SORCS1: variants seen among roughly 807,000 people sequenced by gnomAD.
SORCS1 encodes the protein sortilin related VPS10 domain containing receptor 1.
Under a neutral mutation model 146.1 loss-of-function variants are expected in SORCS1, and 60 were observed. The ratio of observed to expected loss-of-function variants is 0.41; its 90% CI spans 0.33 to 0.51. The LOEUF is 0.51. Ranked by LOEUF, SORCS1 falls within the 20% of genes least tolerant of loss-of-function variation. The pLI is 0.21. For missense variants in SORCS1, 1,352 were observed against 1,487.6 expected (o/e 0.91, Z 1.50); for synonymous variants, 637 against 584.0 (o/e 1.09, Z -1.31).
At chr10:107,084,420 G>A (rs895075800) in intron 1 of SORCS1, among the ~76,000 whole-genome samples, 1 of 151,848 alleles carries the variant, frequency 6.6e-6, no homozygotes, top group Admixed American at 6.6e-5. Context: ...GGTTTTAAAT[G>A]GACAAGAACT....
intron 1 of SORCS1, among the ~76,000 whole-genome samples, chr10:107,074,374 C>T (rs1457171414): frequency 6.6e-6 from 1 of 152,158 alleles, no homozygotes; most frequent in Non-Finnish European, 1.5e-5. Context: ...GACTTGATAG[C>T]TCATTTCTGA....
chr10:106,921,452 A>G lies in SORCS1; in HGVS notation c.626+35061T>C, dbSNP rs1222139721. On this transcript the variant is annotated intron_variant, in intron 2 of 25. Transcript: ENST00000263054. ...TTCATCTAGATATATCAGACTTACAATGTTCTCTCACTTTCTCCTCTCTTA... is the reference window on the plus strand; with the variant it reads ...TTCATCTAGATATATCAGACTTACAGTGTTCTCTCACTTTCTCCTCTCTTA... 2.0e-5 allele frequency among the ~76,000 whole-genome samples: 3 copies of G among 152,118 alleles called. No homozygotes were observed. In the East Asian group the frequency reaches 5.8e-4, roughly 29 times the overall value.
intron 6 of SORCS1, among the ~76,000 whole-genome samples, chr10:106,721,349 T>A (rs1221139672): frequency 6.6e-6 from 1 of 152,128 alleles, no homozygotes; most frequent in African/African-American, 2.4e-5. Flanking sequence ...TGTTGGAACT[T>A]TGGCCAAAGT....
At chr10:106,718,424 C>A (rs186464017) in intron 6 of SORCS1, among the ~76,000 whole-genome samples, 1 of 152,140 alleles carries the variant, frequency 6.6e-6, no homozygotes, top group Non-Finnish European at 1.5e-5. Flanking sequence ...ATGGTGTGCC[C>A]GGAGTTTATT....
chr10:107,128,440 A>C (rs1966830583), intron 1 of SORCS1, among the ~76,000 whole-genome samples: 1 of 152,176 alleles, frequency 6.6e-6, no homozygotes, highest in Non-Finnish European at 1.5e-5. Context: ...TAGATTTTGA[A>C]ATCATCAGTC....
chr10:106,777,360 T>C (rs972810497), intron 3 of SORCS1, among the ~76,000 whole-genome samples: 1 of 152,218 alleles, frequency 6.6e-6, no homozygotes, highest in South Asian at 2.1e-4. Flanking sequence ...CGAACAGAGA[T>C]AGCTGTCTGT....
chr10:106,821,739 G>A (rs1948037917), intron 3 of SORCS1, among the ~76,000 whole-genome samples: 1 of 152,046 alleles, frequency 6.6e-6, no homozygotes, highest in Non-Finnish European at 1.5e-5. Flanking sequence ...GGCTAAGACT[G>A]TGAAACCATG....
chr10:106,798,506 C>G (rs1031348085), intron 3 of SORCS1, among the ~76,000 whole-genome samples: 2 of 144,862 alleles, frequency 1.4e-5, no homozygotes, highest in Admixed American at 7.2e-5. Flanking sequence ...TCTCATTGTT[C>G]AATTCCCACC....
Position 106,776,549 on chromosome 10 carries a change from G to A in SORCS1, c.870C>T (p.Tyr290=). The change falls in exon 4 of 26, where the codon TAC becomes TAT. Residue 290 remains tyrosine (Y), a synonymous_variant. Transcript: ENST00000263054. ...GTATGCTCACCTTTTGGTCTTGACT[G>A]TATGCCAGAATCCAGTCTTCTTGTT... ...HPKQEDWILA[Y]SQDQKLYSSA... The A allele has an allele frequency of 6.2e-7, 1 of 1,613,998 alleles. No individual in the cohort carries two copies. Among genetic ancestry groups the A allele is most frequent in the Non-Finnish European group, 8.5e-7 (1 of 1,179,888 alleles).
Position 106,731,943 on chromosome 10 carries a change from C to T in SORCS1, c.960-1829G>A, listed in dbSNP as rs549678441. Among the ~76,000 whole-genome samples the T allele has an allele frequency of 3.4e-4, 51 of 152,218 alleles. 1 individual carries two copies. Among genetic ancestry groups the T allele is most frequent in the Non-Finnish European group, 6.8e-4 (46 of 68,004 alleles). ...AGGAAGGAGGTAAAGAGAAAGAAAG[C>T]GAAGGGGCTATAAAGGTCTGCGGGT... On this transcript the variant is annotated intron_variant, in intron 5 of 25. Coordinates refer to ENST00000263054, the MANE Select transcript of SORCS1 (RefSeq NM_052918.5).
At chr10:106,734,259 C>A (rs1209002173) in intron 5 of SORCS1, among the ~76,000 whole-genome samples, 1 of 152,104 alleles carries the variant, frequency 6.6e-6, no homozygotes, top group Admixed American at 6.6e-5. Context: ...CTGTGTACAT[C>A]CTGGTGTCTG....
At chr10:106,761,132 A>T (rs530204509) in intron 5 of SORCS1, among the ~76,000 whole-genome samples, 1 of 152,252 alleles carries the variant, frequency 6.6e-6, no homozygotes, top group South Asian at 2.1e-4. Context: ...AATAACAAGG[A>T]GAAGGCCTAC....
intron 22 of SORCS1, among the ~76,000 whole-genome samples, chr10:106,610,766 C>A (rs1165766038): frequency 5.3e-5 from 8 of 152,208 alleles, no homozygotes; most frequent in Non-Finnish European, 1.2e-4. Flanking sequence ...GGCTATCCCA[C>A]TCCTCTGCTC....
Position 106,836,360 on chromosome 10 carries a change from G to A in SORCS1, c.627-6687C>T, listed in dbSNP as rs186043975. Among the ~76,000 whole-genome samples, 609 of 151,720 alleles carry A rather than the reference G, an allele frequency of 4.0e-3. 3 individuals carry two copies. The highest frequency in any genetic ancestry group is 4.8e-3 in the Non-Finnish European group (328 of 67,936). ...ATGGTGGTGGGCGCCTGTAGTCCCA[G>A]CTACTCGGGAGGCTGAGGCAGGAGA... On this transcript the variant is annotated intron_variant, in intron 2 of 25. Coordinates refer to ENST00000263054, the MANE Select transcript of SORCS1 (RefSeq NM_052918.5).
chr10:107,179,704 C>T, the SORCS1 span, among the ~76,000 whole-genome samples: 1 of 152,024 alleles, frequency 6.6e-6, no homozygotes, highest in Non-Finnish European at 1.5e-5. Context: ...TTTTTGAAAT[C>T]TGTGTATCTT....
intron 15 of SORCS1, among the ~76,000 whole-genome samples, chr10:106,672,254 G>A (rs779747769): frequency 5.3e-5 from 8 of 152,064 alleles, no homozygotes; most frequent in African/African-American, 1.2e-4. Flanking sequence ...AGAGATCTGC[G>A]GAACGACTTG....
chr10:106,597,363 G>C lies in SORCS1; in HGVS notation c.3253C>G (p.His1085Asp). ...PGVRVLVHAA[H>D]LTAAPLVDLT... is the part of the protein sequence containing the mutation. ...CATGGACACTGACCCGCTGTTAAGT[G>C]AGCAGCATGGACAAGGACTCGGACT... The change falls in exon 24 of 26, where the codon CAC (histidine) becomes GAC (aspartate). Residue 1085 changes from histidine (H) to aspartate (D), a missense_variant. By Grantham distance (81) the His-to-Asp change is moderately conservative. Around this residue, in one of 3 missense-constraint regions of SORCS1, gnomAD observed 214 missense variants for 204.8 expected, o/e 1.05. Coordinates refer to ENST00000263054, the MANE Select transcript of SORCS1 (RefSeq NM_052918.5). 6.2e-7 allele frequency: 1 copy of C among 1,613,872 alleles called. No individual in the cohort carries two copies. The highest frequency in any genetic ancestry group is 1.1e-5 in the South Asian group (1 of 91,036).
intron 2 of SORCS1, among the ~76,000 whole-genome samples, chr10:106,901,806 G>A (rs1951715876): frequency 6.6e-6 from 1 of 152,150 alleles, no homozygotes; most frequent in Non-Finnish European, 1.5e-5. Flanking sequence ...CACTTTGGGA[G>A]GCCGAGGTGG....
chr10:106,820,689 T>C, intron 3 of SORCS1, among the ~76,000 whole-genome samples: 1 of 152,170 alleles, frequency 6.6e-6, no homozygotes, highest in East Asian at 1.9e-4. Context: ...ATATCGCAAA[T>C]TTCCTGTAGC....
Sources: gnomAD v4.1 joint callset for allele counts (sites outside exome capture counted in the v4.1 genomes callset) on GRCh38, gnomAD v4.1.1 for gene constraint, gnomAD v4.1.1 regional missense constraint, MANE v1.5 for transcripts, NCBI Gene and HGNC (gene_info 2026-07-23, HGNC 2026-07-21) for gene names.